The following PGAP2 variants were observed in gnomAD, a reference collection of about 807,000 sequenced individuals.
PGAP2 encodes the protein acyltransferase PGAP2.
In PGAP2, 21 loss-of-function variants were observed where a neutral mutation model predicts 33.2. That is an observed-to-expected ratio of 0.63 (90% confidence interval 0.45 to 0.91). PGAP2 has a LOEUF of 0.91. Ranked by LOEUF, PGAP2 falls within the 40% of genes least tolerant of loss-of-function variation. The pLI is 0.00. For synonymous variants in PGAP2, 161 were observed against 172.9 expected (o/e 0.93, Z 0.54); for missense variants, 345 against 424.0 (o/e 0.81, Z 1.64).
intron 3 of PGAP2, among the ~76,000 whole-genome samples, chr11:3,821,383 G>A (rs553236566): frequency 6.6e-6 from 1 of 152,356 alleles, no homozygotes; most frequent in East Asian, 1.9e-4. Context: ...CACTGCGCTG[G>A]CCCTCGTTGG....
At chr11:3,815,340 G>C (rs1028146443) in intron 2 of PGAP2, among the ~76,000 whole-genome samples, 1 of 148,810 alleles carries the variant, frequency 6.7e-6, no homozygotes, top group African/African-American at 2.5e-5. Context: ...ATGGAATCTC[G>C]CTTTGTCACC....
intron 1 of PGAP2, among the ~76,000 whole-genome samples, chr11:3,802,076 CTTT>C (rs3061897): frequency 3.6e-5 from 5 of 137,148 alleles, no homozygotes; most frequent in African/African-American, 5.4e-5. Context: ...TTTCCTTTTC[CTTT>C]TTTTTTTTTT....
Position 3,808,612 on chromosome 11 carries a change from GC to G in PGAP2, c.-45del. On this transcript the variant is annotated 5_prime_UTR_variant, in exon 1 of 7. Coordinates refer to ENST00000278243, the MANE Select transcript of PGAP2 (RefSeq NM_014489.4). ...CAGCCCCCGACCCCGGGCCACCTGGGCCCCCGGGTTCCGCCGGCACTCTCGC... is the reference window on the plus strand; with the variant it reads ...CAGCCCCCGACCCCGGGCCACCTGGGCCCCGGGTTCCGCCGGCACTCTCGC... The G allele has an allele frequency of 9.1e-6, 12 of 1,325,382 alleles. No individual in the cohort carries two copies. Among genetic ancestry groups the G allele is most frequent in the Admixed American group, 3.6e-5 (1 of 28,132 alleles). 82.1% of individuals were successfully genotyped at this position (1,325,382 alleles called of 1,614,324 possible). A position where few individuals can be genotyped will look rare whatever the true frequency, so the allele number is the denominator to read the frequency against.
In PGAP2 at chr11:3,825,477, G is replaced by C; in HGVS notation, c.*19G>C. ...ATTCTGAACCCTTCAGTCCTGCTTG[G>C]GAGGACGCAGCCCACTGCCCAGAAA... On this transcript the variant is annotated 3_prime_UTR_variant, in exon 7 of 7. Transcript: ENST00000278243. 24 of 1,609,006 alleles carry C rather than the reference G, an allele frequency of 1.5e-5. No homozygotes were observed. Among genetic ancestry groups the C allele is most frequent in the Non-Finnish European group, 2.0e-5 (24 of 1,178,440 alleles).
chr11:3,800,115 A>G (rs1259182150), intron 1 of PGAP2, among the ~76,000 whole-genome samples: 7 of 152,222 alleles, frequency 4.6e-5, no homozygotes, highest in African/African-American at 1.7e-4. Context: ...TAAACAACTG[A>G]CTGCAGCCAT....
At chr11:3,812,532 G>A (rs570822469) in intron 2 of PGAP2, among the ~76,000 whole-genome samples, 2 of 152,294 alleles carry the variant, frequency 1.3e-5, no homozygotes, top group Admixed American at 6.5e-5. Flanking sequence ...GGAGGATGAT[G>A]AAATGTGAGG....
At position 3,825,788 on chromosome 11, in the gene PGAP2, T is replaced by C. The variant is rs1436549285; in HGVS notation, c.*330T>C. 4.3e-6 allele frequency: 1 copy of C among 229,926 alleles called. No individual in the cohort carries two copies. 14.2% of individuals were successfully genotyped at this position (229,926 alleles called of 1,614,324 possible). The stretch of plus-strand genomic sequence containing the variant: ...TTTCTGGCCTTTACACAGTCACCTT[T>C]CACTGAGGTCAGGAGCCCCTGAGCA... On this transcript the variant is annotated 3_prime_UTR_variant, in exon 7 of 7. Transcript: ENST00000278243.
upstream of PGAP2, among the ~76,000 whole-genome samples, chr11:3,803,801 T>A (rs1023268538): frequency 6.1e-5 from 9 of 147,468 alleles, no homozygotes; most frequent in East Asian, 2.0e-4. Flanking sequence ...ATATATATTT[T>A]TTTTTTTGAG....
chr11:3,823,505 C>A, intron 3 of PGAP2: 1 of 1,181,322 alleles, frequency 8.5e-7, no homozygotes, highest in Non-Finnish European at 1.2e-6. Context: ...TCCCTGTCCT[C>A]TGGACTGAAT....
rs77367457 is a variant in PGAP2 at position 3,825,883 on chromosome 11, G to A, written c.*425G>A. On this transcript the variant is annotated 3_prime_UTR_variant, in exon 7 of 7. Coordinates refer to ENST00000278243, the MANE Select transcript of PGAP2 (RefSeq NM_014489.4). ...CATTCATAGGACTAATGTATTTCAT[G>A]ATCTACTGTGCACATCCAGGCCTGT... 1 of 179,108 alleles carries A rather than the reference G, an allele frequency of 5.6e-6. No individual in the cohort carries two copies. The highest frequency in any genetic ancestry group is 1.2e-5 in the Non-Finnish European group (1 of 82,756). The allele number at this position is 179,108 out of a possible 1,614,324, so 11.1% of individuals were successfully genotyped here. A position where few individuals can be genotyped will look rare whatever the true frequency, so the allele number is the denominator to read the frequency against.
chr11:3,801,171 T>G (rs974705533), intron 1 of PGAP2, among the ~76,000 whole-genome samples: 6 of 151,754 alleles, frequency 4.0e-5, no homozygotes, highest in Non-Finnish European at 7.4e-5. Flanking sequence ...AAAAAGAAAT[T>G]TGGGCAAATT....
In PGAP2 at chr11:3,822,130, C is replaced by G. The variant is rs1020591484; in HGVS notation, c.349-1753C>G. ...CTGTAATTCCAGCACTTTGGGAGGC[C>G]GAGGTGGGCGGATCACGAGGTCAGG... On this transcript the variant is annotated intron_variant, in intron 3 of 6. Coordinates refer to ENST00000278243, the MANE Select transcript of PGAP2 (RefSeq NM_014489.4). Among the ~76,000 whole-genome samples, 4 of 152,004 alleles carry G rather than the reference C, an allele frequency of 2.6e-5. No individual in the cohort carries two copies. The East Asian group carries it at 7.8e-4, about 29-fold the overall frequency.
intron 1 of PGAP2, among the ~76,000 whole-genome samples, chr11:3,800,941 T>C (rs1011268575): frequency 1.3e-5 from 2 of 151,510 alleles, no homozygotes; most frequent in Non-Finnish European, 2.9e-5. Flanking sequence ...GAAACCCGCC[T>C]GGCCAACATG....
chr11:3,825,257 G>GATTT, intron 6 of PGAP2, 71 bp from the exon 7 acceptor site: 1 of 1,577,110 alleles, frequency 6.3e-7, no homozygotes, highest in Non-Finnish European at 8.7e-7. Flanking sequence ...ATGGTGGTGT[G>GATTT]ATTTATCAAG....
At position 3,817,387 on chromosome 11, in the gene PGAP2, A is replaced by G. The variant is rs781686964; in HGVS notation, c.200A>G (p.Gln67Arg). The G allele has an allele frequency of 6.2e-7, 1 of 1,614,098 alleles. No individual in the cohort carries two copies. The highest frequency in any genetic ancestry group is 1.1e-5 in the South Asian group (1 of 91,090). ...TPCRMFSAAS[Q>R]PLDPDGTLFR... ...TGCAGGATGTTCTCTGCGGCCTCCC[A>G]GCCTTTGGACCCCGATGGGACCTTG... Residue 67 changes from glutamine (Q) to arginine (R), a missense_variant, in exon 3 of 7, where the codon CAG becomes CGG. Gln to Arg is a conservative substitution (Grantham distance 43, BLOSUM62 1). This residue lies in a region of PGAP2 where 311 missense variants were observed against 353.6 expected (regional missense o/e 0.88). Transcript: ENST00000278243.
chr11:3,808,527 T>C, upstream of PGAP2: 2 of 1,398,596 alleles, frequency 1.4e-6, no homozygotes, highest in South Asian at 1.6e-5. Context: ...CCTCTCTAAG[T>C]TCCGCCCCGA....
rs766463447 is a variant in PGAP2, at chr11:3,811,221, G to A, written c.-10-29G>A. 1.9e-6 allele frequency: 3 copies of A among 1,593,438 alleles called. No individual in the cohort carries two copies. The highest frequency in any genetic ancestry group is 2.3e-5 in the South Asian group (2 of 87,886). On this transcript the variant is annotated intron_variant, in intron 1 of 6. Transcript: ENST00000278243. This position sits in a 1 kb window ranked among gnomAD's most constrained non-coding sequence, Gnocchi z 4.6. ...CTGAGTGCCAGCCTGGCTGCCTGGG[G>A]CCCTGACAGCATGCCACTCCATCCC... is the stretch of plus-strand genomic sequence containing the variant.
chr11:3,799,536 A>G (rs528319478), intron 1 of PGAP2, among the ~76,000 whole-genome samples: 4 of 152,198 alleles, frequency 2.6e-5, no homozygotes, highest in African/African-American at 9.6e-5. Context: ...AAAATTTTTA[A>G]AAAACCTCCA....
intron 3 of PGAP2, among the ~76,000 whole-genome samples, chr11:3,822,235 G>A (rs2088911632): frequency 6.6e-6 from 1 of 151,990 alleles, no homozygotes; most frequent in Non-Finnish European, 1.5e-5. Context: ...GTGGTGACGG[G>A]CGCCTGTAGT....
Sources: gnomAD v4.1 joint callset for allele counts (sites outside exome capture counted in the v4.1 genomes callset) on GRCh38, gnomAD v4.1.1 for gene constraint, gnomAD v4.1.1 regional missense constraint, Gnocchi (gnomAD v3.1) non-coding constraint, MANE v1.5 for transcripts, NCBI Gene and HGNC (gene_info 2026-07-23, HGNC 2026-07-21) for gene names.